KIAA1671: variants seen among roughly 807,000 people sequenced by gnomAD.
KIAA1671 encodes uncharacterized protein KIAA1671.
In KIAA1671, 52 loss-of-function variants were observed where a neutral mutation model predicts 131.2. The ratio of observed to expected loss-of-function variants is 0.40; its 90% confidence interval spans 0.32 to 0.50. The LOEUF is 0.50. KIAA1671 is among the 20% of genes least tolerant of loss of function. The pLI is 0.73. For synonymous variants in KIAA1671, 1,003 were observed against 961.6 expected, an observed-to-expected ratio of 1.04 and a Z score of -0.80; for missense variants, 2,360 against 2,364.2, an observed-to-expected ratio of 1.00 and a Z score of 0.04.
intron 8 of KIAA1671, chr22:25,176,352 C>T (rs1290852727): frequency 2.0e-5 from 3 of 152,150 alleles, no homozygotes; most frequent in Non-Finnish European, 4.4e-5. Context: ...ACTTAGAAGG[C>T]CTTGGGTGAT....
chr22:25,185,449 T>G (rs1934444450), intron 11 of KIAA1671: 1 of 264,586 alleles, frequency 3.8e-6, no homozygotes, highest in Non-Finnish European at 7.1e-6. Context: ...ACTGAGGCAT[T>G]CTCCCTCCTC....
chr22:25,189,272 A>G (rs1341332026), intron 11 of KIAA1671, among the ~76,000 whole-genome samples: 2 of 151,218 alleles, frequency 1.3e-5, no homozygotes, highest in East Asian at 3.9e-4. Flanking sequence ...TCCTGCCTCC[A>G]CACCATTCTC....
chr22:25,026,815 C>T (rs1354165391), intron 2 of KIAA1671, among the ~76,000 whole-genome samples: 1 of 152,102 alleles, frequency 6.6e-6, no homozygotes, highest in Non-Finnish European at 1.5e-5. Context: ...CTGGCGACCT[C>T]TCTGGGCCCT....
chr22:25,042,955 T>A (rs1927030334), intron 5 of KIAA1671, among the ~76,000 whole-genome samples: 1 of 152,114 alleles, frequency 6.6e-6, no homozygotes, highest in South Asian at 2.1e-4. Flanking sequence ...GTATGTATTT[T>A]CCAATCCCTC....
Position 25,028,778 on chromosome 22 carries a change from C to T in KIAA1671, c.779C>T (p.Ala260Val). 1.9e-6 allele frequency: 3 copies of T among 1,551,304 alleles called. No individual in the cohort carries two copies. Among genetic ancestry groups the T allele is most frequent in the Admixed American group, 2.0e-5 (1 of 51,018 alleles). The change falls in exon 3 of 13, where the codon GCA (alanine) becomes GTA (valine). Residue 260 changes from alanine to valine, a missense_variant. Transcript: ENST00000358431. ...CAGCCTCAGAAGCCAGGCCCCGGCGCAGCGGCCACAGTGGGCAAAGTGCCA... is the reference window on the plus strand; with the variant it reads ...CAGCCTCAGAAGCCAGGCCCCGGCGTAGCGGCCACAGTGGGCAAAGTGCCA... ...SIQPQKPGPG[A>V]AATVGKVPPT...
intron 6 of KIAA1671, among the ~76,000 whole-genome samples, chr22:25,106,476 T>A (rs1931010214): frequency 6.6e-6 from 1 of 152,196 alleles, no homozygotes; most frequent in Non-Finnish European, 1.5e-5. Context: ...ACTAGCTGCA[T>A]CGATGGAAAT....
At chr22:25,060,497 T>C (rs1433702409) in intron 6 of KIAA1671, 1 of 152,302 alleles carries the variant, frequency 6.6e-6, no homozygotes, top group African/African-American at 2.4e-5. Flanking sequence ...CTGATTTCAA[T>C]GTGACATCTC....
intron 6 of KIAA1671, among the ~76,000 whole-genome samples, chr22:25,158,594 C>T (rs764932020): frequency 6.6e-5 from 10 of 152,200 alleles, no homozygotes; most frequent in Middle Eastern, 3.4e-3. Context: ...GGCCATACTG[C>T]CAGCAGCCGA....
At chr22:25,160,936 C>T (rs1345837398) in intron 6 of KIAA1671, among the ~76,000 whole-genome samples, 1 of 152,184 alleles carries the variant, frequency 6.6e-6, no homozygotes, top group African/African-American at 2.4e-5. Flanking sequence ...TCAGCTGGGA[C>T]CCAAGTCCAT....
intron 1 of KIAA1671, among the ~76,000 whole-genome samples, chr22:24,959,936 G>A (rs779973843): frequency 1.7e-4 from 26 of 151,592 alleles, no homozygotes; most frequent in Non-Finnish European, 2.6e-4. Flanking sequence ...TCAGGAGTTC[G>A]AAACCAGCCT....
intron 5 of KIAA1671, among the ~76,000 whole-genome samples, chr22:25,045,016 C>T (rs1927146253): frequency 6.6e-6 from 1 of 152,134 alleles, no homozygotes; most frequent in Non-Finnish European, 1.5e-5. Flanking sequence ...AAAAAATTAG[C>T]CGGGCACAGT....
At chr22:25,046,526 A>G in intron 5 of KIAA1671, among the ~76,000 whole-genome samples, 1 of 152,120 alleles carries the variant, frequency 6.6e-6, no homozygotes. Context: ...TAAATTATTT[A>G]TTTTAGTTTT....
intron 6 of KIAA1671, among the ~76,000 whole-genome samples, chr22:25,131,634 C>A (rs1932446438): frequency 6.6e-6 from 1 of 152,266 alleles, no homozygotes; most frequent in Admixed American, 6.5e-5. Context: ...GGCTGCCCGC[C>A]TGCCTGTTGC....
At chr22:24,972,978 C>A (rs1922704441) in intron 1 of KIAA1671, among the ~76,000 whole-genome samples, 1 of 152,100 alleles carries the variant, frequency 6.6e-6, no homozygotes, top group South Asian at 2.1e-4. Flanking sequence ...CTGAAGGAGA[C>A]AAAGGGGCCA....
At position 25,174,437 on chromosome 22, in the gene KIAA1671, C is replaced by G; in HGVS notation, c.4847C>G (p.Pro1616Arg). The change falls in exon 8 of 13, where the codon CCT becomes CGT. Residue 1616 changes from proline to arginine, a missense_variant. Pro to Arg is a moderately radical substitution (Grantham distance 103, BLOSUM62 -2). Coordinates refer to ENST00000358431, the MANE Select transcript of KIAA1671 (RefSeq NM_001145206.2). ...LESTDGMEGP[P>R]PPDACPEKRV... is the part of the protein sequence containing the mutation. Reference sequence around the variant, plus strand: ...TCCACCGATGGGATGGAGGGGCCGCCTCCACCGGACGCCTGCCCTGAAAAG... The same window carrying G: ...TCCACCGATGGGATGGAGGGGCCGCGTCCACCGGACGCCTGCCCTGAAAAG... 1 of 1,547,076 alleles carries G rather than the reference C, an allele frequency of 6.5e-7. No homozygotes were observed. Among genetic ancestry groups the G allele is most frequent in the Non-Finnish European group, 8.7e-7 (1 of 1,143,260 alleles).
rs5760811 is a variant in KIAA1671, at chr22:25,039,173, G to A, written c.2043G>A (p.Thr681=). 3.6e-3 allele frequency: 5,622 copies of A among 1,551,848 alleles called. 333 individuals are homozygous for A. In the East Asian group the frequency reaches 0.12, roughly 32 times the overall value. Residue 681 remains threonine, a synonymous_variant, in exon 5 of 13, where the codon ACG becomes ACA. Transcript: ENST00000358431. ...CCAGAGGGTTTGACAATCCCGAGACGGAGAAATTGGGACCAACCACCCTTT... is the reference window on the plus strand; with the variant it reads ...CCAGAGGGTTTGACAATCCCGAGACAGAGAAATTGGGACCAACCACCCTTT... The part of the protein sequence containing the change: ...ENSRGFDNPE[T]EKLGPTTLLN...
rs1931774915 is a variant in KIAA1671, at chr22:25,118,222, A to G, written c.4531-52598A>G. Among the ~76,000 whole-genome samples the G allele has an allele frequency of 1.3e-5, 2 of 150,650 alleles. 1 individual carries two copies. Among genetic ancestry groups the G allele is most frequent in the South Asian group, 4.2e-4 (2 of 4,764 alleles). ...GGGAGCATCCTTTCTCACCTCTTCCAGCTTCTGGTGGTTCCAGGCATTCTT... is the reference window on the plus strand; with the variant it reads ...GGGAGCATCCTTTCTCACCTCTTCCGGCTTCTGGTGGTTCCAGGCATTCTT... On this transcript the variant is annotated intron_variant, in intron 6 of 12. Coordinates refer to ENST00000358431, the MANE Select transcript of KIAA1671 (RefSeq NM_001145206.2).
intron 1 of KIAA1671, among the ~76,000 whole-genome samples, chr22:24,994,351 G>A (rs1923996675): frequency 6.6e-6 from 1 of 152,204 alleles, no homozygotes; most frequent in Non-Finnish European, 1.5e-5. Context: ...TGTACCATTA[G>A]GGTGAGATAA....
intron 6 of KIAA1671, among the ~76,000 whole-genome samples, chr22:25,098,043 A>G (rs1050789789): frequency 4.6e-5 from 7 of 152,328 alleles, no homozygotes; most frequent in African/African-American, 1.4e-4. Flanking sequence ...TCCACCCAGC[A>G]GACTTGCCCC....
Sources: allele counts gnomAD v4.1 joint callset (sites outside exome capture counted in the v4.1 genomes callset), GRCh38; gene constraint gnomAD v4.1.1; transcripts MANE v1.5; gene names NCBI Gene and HGNC (gene_info 2026-07-23, HGNC 2026-07-21).